Variants in MALRD1 observed in about 807,000 individuals in gnomAD.
MALRD1 encodes the protein MAM and LDL receptor class A domain containing 1, also known as MAM and LDL-receptor class A domain-containing protein 1.
MALRD1 carries 247 observed loss-of-function variants against 242.1 expected under a neutral mutation model. That is an observed-to-expected ratio of 1.02 (90% CI 0.92 to 1.13). The LOEUF (loss-of-function observed/expected upper bound fraction) is 1.13. Among genes scored for constraint, MALRD1 ranks in the 50% most tolerant of loss-of-function variants. The pLI is 0.00. For missense variants in MALRD1, 2,989 were observed against 2,533.1 expected, an observed-to-expected ratio of 1.18 and a Z score of -3.86; for synonymous variants, 995 against 866.6, an observed-to-expected ratio of 1.15 and a Z score of -2.60.
intron 23 of MALRD1, among the ~76,000 whole-genome samples, chr10:19,330,115 C>A (rs993119792): frequency 6.6e-6 from 1 of 151,994 alleles, no homozygotes; most frequent in Non-Finnish European, 1.5e-5. Context: ...CTGGTTTCAT[C>A]TCTTTTTAAT....
rs1836718635 is a variant in MALRD1, at chr10:19,204,909, A to G, written c.2222A>G (p.Tyr741Cys). Residue 741 changes from tyrosine to cysteine, a missense_variant, in exon 17 of 40, where the codon TAT becomes TGT. Coordinates refer to ENST00000454679, the MANE Select transcript of MALRD1 (RefSeq NM_001142308.3). The part of the protein sequence containing the change: ...GCILSFWFYN[Y>C]GLSVGAAELQ... ...TTACTCTTTTTTAGGTTCTATAACT[A>G]TGGCCTGTCAGTGGGAGCAGCTGAG... is the stretch of plus-strand genomic sequence containing the variant. 6.5e-7 allele frequency: 1 copy of G among 1,547,752 alleles called. No individual in the cohort carries two copies. Among genetic ancestry groups the G allele is most frequent in the Non-Finnish European group, 8.7e-7 (1 of 1,144,930 alleles).
At position 19,114,451 on chromosome 10, in the gene MALRD1, A is replaced by G. The variant is rs538627111; in HGVS notation, c.695-9041A>G. ...CAGGAGTTCGAGACCAGCCTGGCCA[A>G]CATGGTGAAACCCCATCTCTACTAA... On this transcript the variant is annotated intron_variant, in intron 5 of 39. Coordinates refer to ENST00000454679, the MANE Select transcript of MALRD1 (RefSeq NM_001142308.3). 1.4e-4 allele frequency among the ~76,000 whole-genome samples: 21 copies of G among 152,266 alleles called. No individual in the cohort carries two copies. The South Asian group carries it at 4.3e-3, about 32-fold the overall frequency.
Position 19,194,443 on chromosome 10 carries a change from T to G in MALRD1, c.1952-9285T>G, listed in dbSNP as rs560914080. Among the ~76,000 whole-genome samples, 81 of 152,346 alleles carry G rather than the reference T, an allele frequency of 5.3e-4. 2 individuals are homozygous for G. Among genetic ancestry groups the G allele is most frequent in the African/African-American group, 1.9e-3 (80 of 41,598 alleles). On this transcript the variant is annotated intron_variant, in intron 14 of 39. Transcript: ENST00000454679. ...CTTCTTTTTCACTGTCAGTCTTTAGTGCTACTCAGGCAGCCTTGATTTCTT... is the reference window on the plus strand; with the variant it reads ...CTTCTTTTTCACTGTCAGTCTTTAGGGCTACTCAGGCAGCCTTGATTTCTT...
intron 28 of MALRD1, among the ~76,000 whole-genome samples, chr10:19,413,371 C>T (rs1207531161): frequency 6.6e-6 from 1 of 151,964 alleles, no homozygotes; most frequent in Non-Finnish European, 1.5e-5. Context: ...AGAAAAAGCG[C>T]CCTAACCCTT....
chr10:19,138,310 T>A (rs1487486803), intron 10 of MALRD1, among the ~76,000 whole-genome samples: 5 of 152,218 alleles, frequency 3.3e-5, no homozygotes, highest in Non-Finnish European at 7.3e-5. Context: ...TTAAATTTTT[T>A]ACAGACAATT....
In MALRD1 at chr10:19,356,302, G is replaced by C. The variant is rs141486644; in HGVS notation, c.4441+4005G>C. Among the ~76,000 whole-genome samples the C allele has an allele frequency of 3.5e-3, 526 of 152,130 alleles. 4 individuals are homozygous for C. Among genetic ancestry groups the C allele is most frequent in the African/African-American group, 0.012 (508 of 41,512 alleles). On this transcript the variant is annotated intron_variant, in intron 26 of 39. Transcript: ENST00000454679. Reference sequence around the variant, plus strand: ...TATGGAAGGGAGGATAAAGCCAGAAGTGGGAATAGTGGTATCTTGAACAAA... The same window carrying C: ...TATGGAAGGGAGGATAAAGCCAGAACTGGGAATAGTGGTATCTTGAACAAA...
At chr10:19,640,696 A>G (rs1840345793) in intron 36 of MALRD1, among the ~76,000 whole-genome samples, 1 of 152,092 alleles carries the variant, frequency 6.6e-6, no homozygotes. Context: ...GGTCACTGTT[A>G]CCCTGTGGTT....
chr10:19,345,052 T>C (rs1844049655), intron 24 of MALRD1, among the ~76,000 whole-genome samples: 2 of 152,110 alleles, frequency 1.3e-5, no homozygotes, highest in South Asian at 2.1e-4. Context: ...CTGGTGCCTA[T>C]AGGAAATAAT....
At chr10:19,347,002 A>G (rs1844161230) in intron 24 of MALRD1, among the ~76,000 whole-genome samples, 1 of 152,144 alleles carries the variant, frequency 6.6e-6, no homozygotes, top group Admixed American at 6.6e-5. Flanking sequence ...AATGAAAAGT[A>G]TCAAAAGTCC....
At chr10:19,180,042 C>G (rs574445538) in intron 14 of MALRD1, among the ~76,000 whole-genome samples, 1 of 152,240 alleles carries the variant, frequency 6.6e-6, no homozygotes, top group Admixed American at 6.5e-5. Flanking sequence ...ATTTTAATAA[C>G]TGTACTATTG....
chr10:19,638,948 T>G (rs1397025223), intron 36 of MALRD1, among the ~76,000 whole-genome samples: 1 of 152,154 alleles, frequency 6.6e-6, no homozygotes, highest in East Asian at 1.9e-4. Flanking sequence ...TCATGAATAC[T>G]AAGTTCTCAA....
rs185689467 is a variant in MALRD1, at chr10:19,168,339, T to C, written c.1830+2529T>C. On this transcript the variant is annotated intron_variant, in intron 13 of 39. Transcript: ENST00000454679. The stretch of plus-strand genomic sequence containing the variant: ...ACAATTTGATCTTTTGCCTCCTGCA[T>C]TTATATTCTATAGAAAATTGTTTTC... 4.4e-4 allele frequency among the ~76,000 whole-genome samples: 67 copies of C among 152,346 alleles called. 1 individual carries two copies. The South Asian group carries it at 0.011, about 25-fold the overall frequency.
At chr10:19,245,523 G>A (rs922924429) in intron 18 of MALRD1, among the ~76,000 whole-genome samples, 1 of 152,180 alleles carries the variant, frequency 6.6e-6, no homozygotes, top group Non-Finnish European at 1.5e-5. Context: ...ACCAGGTCAA[G>A]TAATTTATAT....
At chr10:19,655,150 G>T (rs1029866896) in intron 36 of MALRD1, among the ~76,000 whole-genome samples, 5 of 152,066 alleles carry the variant, frequency 3.3e-5, no homozygotes, top group Non-Finnish European at 7.4e-5. Context: ...AGATCAAAAA[G>T]AAACATGCAT....
chr10:19,503,539 T>G (rs113186745), intron 31 of MALRD1, among the ~76,000 whole-genome samples: 3 of 152,240 alleles, frequency 2.0e-5, no homozygotes, highest in African/African-American at 7.2e-5. Flanking sequence ...TTAGACTTAA[T>G]GTATACAAGA....
chr10:19,680,847 C>G (rs1486075784), intron 36 of MALRD1, among the ~76,000 whole-genome samples: 1 of 152,132 alleles, frequency 6.6e-6, no homozygotes, highest in East Asian at 1.9e-4. Flanking sequence ...GATGAATTCC[C>G]TCAGCATTTG....
At chr10:19,257,352 C>T (rs551203158) in intron 18 of MALRD1, among the ~76,000 whole-genome samples, 1 of 152,150 alleles carries the variant, frequency 6.6e-6, no homozygotes, top group South Asian at 2.1e-4. Flanking sequence ...CTTAAAGGAC[C>T]AGAAGGGAAC....
chr10:19,506,082 G>A (rs957323917), intron 31 of MALRD1, among the ~76,000 whole-genome samples: 1 of 152,218 alleles, frequency 6.6e-6, no homozygotes, highest in African/African-American at 2.4e-5. Flanking sequence ...GAGAATGCCT[G>A]CCCTATGGGG....
Position 19,719,223 on chromosome 10 carries a change from CATATATATATATATATATATATAT to C in MALRD1, c.6315-11470_6315-11447del, listed in dbSNP as rs368394538. 6.5e-5 allele frequency among the ~76,000 whole-genome samples: 5 copies of C among 76,444 alleles called. 1 individual carries two copies. Among genetic ancestry groups the C allele is most frequent in the Non-Finnish European group, 9.4e-5 (4 of 42,498 alleles). 50.2% of individuals were successfully genotyped at this position (76,444 alleles called of 152,430 possible). A position where few individuals can be genotyped will look rare whatever the true frequency, so the allele number is the denominator to read the frequency against. On this transcript the variant is annotated intron_variant, in intron 38 of 39. Transcript: ENST00000454679. ...ATATATATATATATACACATACATA[CATATATATATATATATATATATAT>C]ATATATATATATGCTATCAAATATA...
Sources: gnomAD v4.1 joint callset for allele counts (sites outside exome capture counted in the v4.1 genomes callset) on GRCh38, gnomAD v4.1.1 for gene constraint, MANE v1.5 for transcripts, NCBI Gene and HGNC (gene_info 2026-07-23, HGNC 2026-07-21) for gene names.